Variants in HNRNPA1L2 observed in about 807,000 individuals in gnomAD.
HNRNPA1L2 encodes heterogeneous nuclear ribonucleoprotein A1-like 2.
A neutral mutation model predicts 18.2 loss-of-function variants in HNRNPA1L2; 10 were observed. That is an observed-to-expected ratio of 0.55 (90% CI 0.34 to 0.93). The LOEUF (loss-of-function observed/expected upper bound fraction) is 0.93, where lower values mean the gene tolerates loss of function less well. HNRNPA1L2 is among the 40% of genes least tolerant of loss of function. The pLI, the probability that HNRNPA1L2 is intolerant of heterozygous loss-of-function variation, is 0.02. For missense variants in HNRNPA1L2, 308 were observed against 394.4 expected (o/e 0.78, Z 1.85); for synonymous variants, 124 against 138.6 (o/e 0.89, Z 0.74).
the HNRNPA1L2 span, among the ~76,000 whole-genome samples, chr13:52,624,558 G>A: frequency 2.0e-5 from 3 of 152,268 alleles, no homozygotes; most frequent in African/African-American, 7.2e-5. Flanking sequence ...TCATTGATAG[G>A]AATGGAGTAA....
At chr13:52,625,967 A>G in the HNRNPA1L2 span, among the ~76,000 whole-genome samples, 19 of 150,854 alleles carry the variant, frequency 1.3e-4, no homozygotes, top group Non-Finnish European at 2.1e-4. Context: ...TTTTGTGGAG[A>G]TGGGGTTTTG....
upstream of HNRNPA1L2, among the ~76,000 whole-genome samples, chr13:52,638,258 C>G (rs1457020959): frequency 6.6e-6 from 1 of 152,204 alleles, no homozygotes; most frequent in Non-Finnish European, 1.5e-5. Flanking sequence ...TATGAACTCA[C>G]TTACTTGCTT....
At position 52,642,528 on chromosome 13, in the gene HNRNPA1L2, G is replaced by A; in HGVS notation, c.36G>A (p.Gln12=). The part of the protein sequence containing the change: ...SKSASPKEPE[Q]LRKLFIGGLS... Reference sequence around the variant, plus strand: ...CAGCGTCTCCAAAAGAGCCCGAACAGCTGAGGAAGCTCTTCATTGGAGGGT... The same window carrying A: ...CAGCGTCTCCAAAAGAGCCCGAACAACTGAGGAAGCTCTTCATTGGAGGGT... Residue 12 remains glutamine, a synonymous_variant, in exon 1 of 1, where the codon CAG becomes CAA. Transcript: ENST00000357495. 6.2e-7 allele frequency: 1 copy of A among 1,611,958 alleles called. No homozygotes were observed. Among genetic ancestry groups the A allele is most frequent in the Non-Finnish European group, 8.5e-7 (1 of 1,179,856 alleles).
At chr13:52,619,277 G>A in the HNRNPA1L2 span, among the ~76,000 whole-genome samples, 10 of 151,896 alleles carry the variant, frequency 6.6e-5, no homozygotes, top group African/African-American at 2.4e-4. Flanking sequence ...ACAGGCATGA[G>A]CCACCACGCC....
the HNRNPA1L2 span, among the ~76,000 whole-genome samples, chr13:52,631,762 A>G: frequency 2.0e-5 from 3 of 152,222 alleles, no homozygotes; most frequent in Non-Finnish European, 4.4e-5. Context: ...TTATTCAAGT[A>G]AATATGTAAA....
the HNRNPA1L2 span, among the ~76,000 whole-genome samples, chr13:52,635,575 AACACACACACACAC>A: frequency 0.016 from 2,365 of 143,362 alleles, 47 homozygotes; most frequent in African/African-American, 0.042. Flanking sequence ...GTCCTTTTGC[AACACACACACACAC>A]ACACACACAC....
chr13:52,630,205 A>G, the HNRNPA1L2 span, among the ~76,000 whole-genome samples: 148 of 152,332 alleles, frequency 9.7e-4, no homozygotes, highest in Non-Finnish European at 1.8e-3. Flanking sequence ...TTAAACCCTG[A>G]AAGTGGTAGT....
the HNRNPA1L2 span, among the ~76,000 whole-genome samples, chr13:52,630,379 C>T: frequency 1.3e-5 from 2 of 152,136 alleles, no homozygotes; most frequent in Admixed American, 6.5e-5. Flanking sequence ...TGGGTTCTAG[C>T]GATTCTCCTG....
At chr13:52,639,694 C>CAAAAAAAAAAAA (rs10661534), upstream of HNRNPA1L2, among the ~76,000 whole-genome samples, 126 of 73,516 alleles carry the variant, frequency 1.7e-3, 1 homozygote, top group African/African-American at 2.2e-3. Flanking sequence ...GACCCTGTCT[C>CAAAAAAAAAAAA]AAAAAAAAAA....
In HNRNPA1L2 at chr13:52,642,978, T is replaced by C. The variant is rs1245841139; in HGVS notation, c.486T>C (p.Ile162=). 1 of 1,597,284 alleles carries C rather than the reference T, an allele frequency of 6.3e-7. No homozygotes were observed. The highest frequency in any genetic ancestry group is 8.5e-7 in the Non-Finnish European group (1 of 1,179,830). ...TFDDHDSVDK[I]VIQKYHTVKG... ...ACGACCATGACTCCGTGGATAAGAT[T>C]GTCATTCAGAAATACCATACTGTGA... The change falls in exon 1 of 1, where the codon ATT becomes ATC. Residue 162 remains isoleucine, a synonymous_variant. Transcript: ENST00000357495.
chr13:52,625,172 T>C, the HNRNPA1L2 span, among the ~76,000 whole-genome samples: 64 of 151,870 alleles, frequency 4.2e-4, no homozygotes, highest in African/African-American at 1.5e-3. Flanking sequence ...TGGAGTGCAG[T>C]GGTGTGATCT....
At chr13:52,617,809 C>G in the HNRNPA1L2 span, 22 of 391,526 alleles carry the variant, frequency 5.6e-5, no homozygotes, top group African/African-American at 4.1e-4. Flanking sequence ...GAAGCTATTG[C>G]TTTAAATCTG....
chr13:52,626,773 C>T, the HNRNPA1L2 span, among the ~76,000 whole-genome samples: 270 of 152,074 alleles, frequency 1.8e-3, 2 homozygotes, highest in African/African-American at 6.4e-3. Context: ...AATGGATAAG[C>T]CCATGTGACC....
At position 52,642,697 on chromosome 13, in the gene HNRNPA1L2, G is replaced by C; in HGVS notation, c.205G>C (p.Asp69His). ...FVTYATVEEVDAAMNTTPHKV... is the reference protein window; with the variant it reads ...FVTYATVEEVHAAMNTTPHKV... Reference sequence around the variant, plus strand: ...CACATATGCCACTGTGGAGGAGGTGGATGCAGCTATGAATACAACGCCACA... The same window carrying C: ...CACATATGCCACTGTGGAGGAGGTGCATGCAGCTATGAATACAACGCCACA... Residue 69 changes from aspartate to histidine, a missense_variant, in exon 1 of 1, where the codon GAT (aspartate) becomes CAT (histidine). Transcript: ENST00000357495. The C allele has an allele frequency of 6.2e-7, 1 of 1,607,630 alleles. No homozygotes were observed. The highest frequency in any genetic ancestry group is 1.1e-5 in the South Asian group (1 of 90,978).
At chr13:52,628,704 A>G in the HNRNPA1L2 span, among the ~76,000 whole-genome samples, 1 of 152,048 alleles carries the variant, frequency 6.6e-6, no homozygotes, top group South Asian at 2.1e-4. Flanking sequence ...AGACAAGTAA[A>G]CAAAAATTGT....
At chr13:52,629,872 G>A in the HNRNPA1L2 span, among the ~76,000 whole-genome samples, 4 of 152,104 alleles carry the variant, frequency 2.6e-5, no homozygotes, top group Admixed American at 2.6e-4. Context: ...GGCGGATCAC[G>A]AGGTCGGGAG....
chr13:52,638,710 C>G (rs1257730810), upstream of HNRNPA1L2, among the ~76,000 whole-genome samples: 1 of 152,086 alleles, frequency 6.6e-6, no homozygotes, highest in Non-Finnish European at 1.5e-5. Flanking sequence ...TCTAAGTAAC[C>G]AAATCTTAAG....
At chr13:52,625,894 A>C in the HNRNPA1L2 span, among the ~76,000 whole-genome samples, 1 of 151,848 alleles carries the variant, frequency 6.6e-6, no homozygotes, top group Admixed American at 6.6e-5. Flanking sequence ...CCTTCCACTC[A>C]ACCTCTCAAG....
the HNRNPA1L2 span, among the ~76,000 whole-genome samples, chr13:52,618,269 T>C: frequency 6.6e-6 from 1 of 152,144 alleles, no homozygotes; most frequent in African/African-American, 2.4e-5. Context: ...CAGGATATCC[T>C]TTCTGGAAGA....
Sources: gnomAD v4.1 joint callset for allele counts (sites outside exome capture counted in the v4.1 genomes callset) on GRCh38, gnomAD v4.1.1 for gene constraint, MANE v1.5 for transcripts, NCBI Gene and HGNC (gene_info 2026-07-23, HGNC 2026-07-21) for gene names.